The following MDC1 variants were observed in gnomAD, a reference collection of about 807,000 sequenced individuals.
MDC1 encodes mediator of DNA damage checkpoint protein 1.
In MDC1, 81 loss-of-function variants were observed where a neutral mutation model predicts 142.5. The ratio of observed to expected loss-of-function variants is 0.57; its 90% confidence interval spans 0.47 to 0.68. The LOEUF is 0.68. Ranked by LOEUF, MDC1 falls within the 30% of genes least tolerant of loss-of-function variation. The pLI, the probability that MDC1 is intolerant of heterozygous loss-of-function variation, is 0.00. For synonymous variants in MDC1, 797 were observed against 968.4 expected, an observed-to-expected ratio of 0.82 and a Z score of 3.29; for missense variants, 2,119 against 2,547.9, an observed-to-expected ratio of 0.83 and a Z score of 3.62.
chr6:30,716,372 C>T lies in MDC1; in HGVS notation c.-4+873G>A, dbSNP rs960801839. Among the ~76,000 whole-genome samples the T allele has an allele frequency of 8.5e-5, 13 of 152,098 alleles. No homozygotes were observed. The highest frequency in any genetic ancestry group is 2.9e-4 in the African/African-American group (12 of 41,428). Reference sequence around the variant, plus strand: ...CCGAGCAGCTGGGATTACAGGCGCCCGGCATCACGCCTGGCTAATTTTTGT... The same window carrying T: ...CCGAGCAGCTGGGATTACAGGCGCCTGGCATCACGCCTGGCTAATTTTTGT... On this transcript the variant is annotated intron_variant, in intron 1 of 14. Transcript: ENST00000376406. This position sits in a 1 kb window ranked among gnomAD's most constrained non-coding sequence, Gnocchi z 4.4.
rs1446399554 is a variant in MDC1 at position 30,716,461 on chromosome 6, C to G, written c.-4+784G>C. On this transcript the variant is annotated intron_variant, in intron 1 of 14. Transcript: ENST00000376406. The surrounding 1 kb of genome is among the most constrained non-coding windows in gnomAD (Gnocchi z 4.4). ...TCCTGACCTCAGGTGATCCGCCCACCTTGGCCACCCAAAGTGTTGGGATTA... is the reference window on the plus strand; with the variant it reads ...TCCTGACCTCAGGTGATCCGCCCACGTTGGCCACCCAAAGTGTTGGGATTA... Among the ~76,000 whole-genome samples, 1 of 152,180 alleles carries G rather than the reference C, an allele frequency of 6.6e-6. No homozygotes were observed. The highest frequency in any genetic ancestry group is 1.5e-5 in the Non-Finnish European group (1 of 68,028).
intron 2 of MDC1, 145 bp downstream of exon 2, chr6:30,714,890 ATCAAC>A (rs1775442479): frequency 1.3e-6 from 1 of 771,418 alleles, no homozygotes; most frequent in Non-Finnish European, 2.1e-6. Flanking sequence ...GTCTGCAACT[ATCAAC>A]TCAATCGGCC....
intron 7 of MDC1, 98 bp from the exon 8 acceptor site, chr6:30,708,455 G>A: frequency 1.1e-6 from 1 of 896,116 alleles, no homozygotes; most frequent in South Asian, 1.6e-5. Flanking sequence ...TAAATATGAT[G>A]AGAAAGGATT....
Position 30,703,616 on chromosome 6 carries a change from C to T in MDC1, c.5562+5G>A, listed in dbSNP as rs1773177754. The stretch of plus-strand genomic sequence containing the variant: ...CCAGCTTTGTGGTCCCAACCCTCTC[C>T]TCACCTCTTCCTTCCCTGGCTTCTC... On this transcript the variant is annotated splice_donor_5th_base_variant and intron_variant, in intron 10 of 14. Transcript: ENST00000376406. This position sits in a 1 kb window ranked among gnomAD's most constrained non-coding sequence, Gnocchi z 4.4. The T allele has an allele frequency of 6.2e-7, 1 of 1,602,134 alleles. No individual in the cohort carries two copies. The highest frequency in any genetic ancestry group is 8.5e-7 in the Non-Finnish European group (1 of 1,174,624).
chr6:30,703,839 G>C lies in MDC1; in HGVS notation c.5344C>G (p.Pro1782Ala). 1 of 1,612,662 alleles carries C rather than the reference G, an allele frequency of 6.2e-7. No individual in the cohort carries two copies. The highest frequency in any genetic ancestry group is 8.5e-7 in the Non-Finnish European group (1 of 1,179,298). The change falls in exon 10 of 15, where the codon CCA (proline) becomes GCA (alanine). Residue 1782 changes from proline to alanine, a missense_variant. Transcript: ENST00000376406. This position sits in a 1 kb window ranked among gnomAD's most constrained non-coding sequence, Gnocchi z 4.4. ...EPASPQLLETPIHASQIQKVE... is the reference protein window; with the variant it reads ...EPASPQLLETAIHASQIQKVE... ...TTTTGGATCTGGGAGGCATGAATTG[G>C]TGTCTCAAGAAGCTGGGGAGAGGCA...
chr6:30,710,440 C>T (rs1562114799), intron 7 of MDC1, among the ~76,000 whole-genome samples: 1 of 151,274 alleles, frequency 6.6e-6, no homozygotes, highest in South Asian at 2.1e-4. Context: ...TCTTGTTGCC[C>T]AGGCCAGAGT....
intron 2 of MDC1, 74 bp from the exon 3 acceptor site, chr6:30,714,257 T>C (rs929564709): frequency 6.4e-6 from 9 of 1,416,000 alleles, no homozygotes; most frequent in African/African-American, 1.4e-5. Flanking sequence ...GCCTATTAGG[T>C]ACTCTACTAC....
rs139637774 is a variant in MDC1 at position 30,714,600 on chromosome 6, C to A, written c.137-417G>T. Among the ~76,000 whole-genome samples the A allele has an allele frequency of 2.0e-4, 31 of 151,528 alleles. No individual in the cohort carries two copies. The East Asian group carries it at 4.3e-3, about 21-fold the overall frequency. The stretch of plus-strand genomic sequence containing the variant: ...GATCATAGATCAGTGCAATCTTGAA[C>A]TCTTGGGTTCAAGTGATCATCTGGC... On this transcript the variant is annotated intron_variant, in intron 2 of 14. Coordinates refer to ENST00000376406, the MANE Select transcript of MDC1 (RefSeq NM_014641.3).
Position 30,713,235 on chromosome 6 carries a change from G to A in MDC1, c.707C>T (p.Ala236Val). 6.2e-7 allele frequency: 1 copy of A among 1,613,130 alleles called. No individual in the cohort carries two copies. The change falls in exon 5 of 15, where the codon GCT (alanine) becomes GTT (valine). Residue 236 changes from alanine (A) to valine (V), a missense_variant. By Grantham distance (64) the Ala-to-Val change is moderately conservative. Coordinates refer to ENST00000376406, the MANE Select transcript of MDC1 (RefSeq NM_014641.3). This position sits in a 1 kb window ranked among gnomAD's most constrained non-coding sequence, Gnocchi z 4.9. ...CTCTACAGTGGCACCTCTTCTGGCA[G>A]CTGAGGAGGCCTCCTCTGTGGCTGG... ...QQPATEEASS[A>V]ARRGATVEAK...
In MDC1 at chr6:30,702,743, G is replaced by T. The variant is rs1032877192; in HGVS notation, c.5991+9C>A. 6.2e-6 allele frequency: 10 copies of T among 1,612,998 alleles called. No individual in the cohort carries two copies. Among genetic ancestry groups the T allele is most frequent in the Non-Finnish European group, 8.5e-6 (10 of 1,180,040 alleles). Reference sequence around the variant, plus strand: ...GGGCTGAAGCACAGGTTAAAAGATAGCCTCTCACCTCTAGCAGCCTTCGCT... The same window carrying T: ...GGGCTGAAGCACAGGTTAAAAGATATCCTCTCACCTCTAGCAGCCTTCGCT... On this transcript the variant is annotated intron_variant, in intron 13 of 14. Coordinates refer to ENST00000376406, the MANE Select transcript of MDC1 (RefSeq NM_014641.3).
intron 9 of MDC1, 46 bp downstream of exon 9, chr6:30,707,338 T>G: frequency 6.4e-7 from 1 of 1,552,578 alleles, no homozygotes; most frequent in Non-Finnish European, 8.9e-7. Flanking sequence ...TTGGAGAAGA[T>G]ATAGAGATGA....
At chr6:30,706,145 G>GGTGGAGAAA (rs1562099349) in intron 9 of MDC1, 47 bp from the exon 10 acceptor site, 3 of 1,445,224 alleles carry the variant, frequency 2.1e-6, no homozygotes, top group Non-Finnish European at 2.8e-6. Context: ...GGAGAAAAGA[G>GGTGGAGAAA]ATAGAACTTG....
Position 30,703,901 on chromosome 6 carries a change from A to G in MDC1, c.5282T>C (p.Val1761Ala). ...QASRNQRWGA[V>A]RAAESLTAIP... is the part of the protein sequence containing the mutation. ...GGCTGTAAGGGATTCAGCTGCTCTC[A>G]CTGCTCCCCATCTTTGGTTCCTTGA... The change falls in exon 10 of 15, where the codon GTG becomes GCG. Residue 1761 changes from valine to alanine, a missense_variant. By Grantham distance (64) the Val-to-Ala change is moderately conservative (BLOSUM62 0). Transcript: ENST00000376406. The surrounding 1 kb of genome is among the most constrained non-coding windows in gnomAD (Gnocchi z 4.4). 1 of 1,614,170 alleles carries G rather than the reference A, an allele frequency of 6.2e-7. No individual in the cohort carries two copies. Among genetic ancestry groups the G allele is most frequent in the Non-Finnish European group, 8.5e-7 (1 of 1,180,032 alleles).
Position 30,704,324 on chromosome 6 carries a change from T to G in MDC1, c.4859A>C (p.His1620Pro), listed in dbSNP as rs1418505298. Reference sequence around the variant, plus strand: ...AGGCTGGTCTGTGGAGGTGGTAGGATGGGGCTCAGGGGCTGTGGGGACAAC... The same window carrying G: ...AGGCTGGTCTGTGGAGGTGGTAGGAGGGGGCTCAGGGGCTGTGGGGACAAC... The part of the protein sequence containing the change: ...EPVVPTAPEP[H>P]PTTSTDQPVT... The change falls in exon 10 of 15, where the codon CAT becomes CCT. Residue 1620 changes from histidine (H) to proline (P), a missense_variant. Physicochemically the swap from His to Pro is moderately conservative, Grantham distance 77. Transcript: ENST00000376406. 6.2e-7 allele frequency: 1 copy of G among 1,613,378 alleles called. No individual in the cohort carries two copies. The highest frequency in any genetic ancestry group is 8.5e-7 in the Non-Finnish European group (1 of 1,179,714).
intron 2 of MDC1, 105 bp downstream of exon 2, chr6:30,714,935 T>C: frequency 7.5e-7 from 1 of 1,329,726 alleles, no homozygotes; most frequent in Non-Finnish European, 1.0e-6. Context: ...AAAAAAAAAA[T>C]TCACATCTCA....
At chr6:30,711,771 C>A in intron 5 of MDC1, 45 bp from the exon 6 acceptor site, 1 of 1,594,642 alleles carries the variant, frequency 6.3e-7, no homozygotes, top group Non-Finnish European at 8.6e-7. Context: ...AAAATCATAC[C>A]TGACACTAAA....
chr6:30,703,843 C>G lies in MDC1; in HGVS notation c.5340G>C (p.Glu1780Asp). 6.2e-7 allele frequency: 1 copy of G among 1,612,928 alleles called. No individual in the cohort carries two copies. Residue 1780 changes from glutamate to aspartate, a missense_variant, in exon 10 of 15, where the codon GAG becomes GAC. Physicochemically the swap from Glu to Asp is conservative, Grantham distance 45. Transcript: ENST00000376406. This position sits in a 1 kb window ranked among gnomAD's most constrained non-coding sequence, Gnocchi z 4.4. ...IPEPASPQLL[E>D]TPIHASQIQK... is the part of the protein sequence containing the mutation. ...GGATCTGGGAGGCATGAATTGGTGT[C>G]TCAAGAAGCTGGGGAGAGGCAGGCT... is the stretch of plus-strand genomic sequence containing the variant.
rs1194423981 is a variant in MDC1, at chr6:30,713,895, C to T, written c.425G>A (p.Arg142Gln). The change falls in exon 3 of 15, where the codon CGG becomes CAG. Residue 142 changes from arginine to glutamine, a missense_variant. Arg to Gln is a conservative substitution (Grantham distance 43, BLOSUM62 1). Transcript: ENST00000376406. The surrounding 1 kb of genome is among the most constrained non-coding windows in gnomAD (Gnocchi z 4.9). ...TGTCTCTTCTACTGTCAGAGGGCCCCGGGAGACAAAGGGCAGAGAGACATC... is the reference window on the plus strand; with the variant it reads ...TGTCTCTTCTACTGTCAGAGGGCCCTGGGAGACAAAGGGCAGAGAGACATC... ...RLDVSLPFVS[R>Q]GPLTVEETPR... is the part of the protein sequence containing the mutation. The T allele has an allele frequency of 5.6e-6, 9 of 1,613,736 alleles. No homozygotes were observed. The highest frequency in any genetic ancestry group is 1.1e-5 in the South Asian group (1 of 91,078).
chr6:30,705,757 T>C lies in MDC1; in HGVS notation c.3426A>G (p.Thr1142=). 1 of 1,612,760 alleles carries C rather than the reference T, an allele frequency of 6.2e-7. No individual in the cohort carries two copies. Among genetic ancestry groups the C allele is most frequent in the South Asian group, 1.1e-5 (1 of 90,976 alleles). ...TTGTCCTGCTCCTAGTGGCCTGAGA[T>C]GTGGGCTTGGGAGTGACTGGCTGGG... ...STAQPVTPKP[T]SQATRSRTNR... is the part of the protein sequence containing the mutation. Residue 1142 remains threonine, a synonymous_variant, in exon 10 of 15, where the codon ACA becomes ACG. Transcript: ENST00000376406.
Sources: gnomAD v4.1 joint callset for allele counts (sites outside exome capture counted in the v4.1 genomes callset) on GRCh38, gnomAD v4.1.1 for gene constraint, Gnocchi (gnomAD v3.1) non-coding constraint, MANE v1.5 for transcripts, NCBI Gene and HGNC (gene_info 2026-07-23, HGNC 2026-07-21) for gene names.